Variants in DLG2 observed in about 807,000 individuals in gnomAD.
The protein encoded by DLG2 is disks large homolog 2.
A neutral mutation model predicts 132.5 loss-of-function variants in DLG2; 45 were observed. The ratio of observed to expected loss-of-function variants is 0.34; its 90% confidence interval spans 0.27 to 0.44. The LOEUF (loss-of-function observed/expected upper bound fraction) is 0.44. Among genes scored for constraint, DLG2 ranks in the 20% least tolerant of loss-of-function variants. The pLI is 1.00. For synonymous variants in DLG2, 424 were observed against 419.6 expected (o/e 1.01, Z -0.13); for missense variants, 1,045 against 1,196.9 (o/e 0.87, Z 1.87).
chr11:85,600,260 G>A (rs955909705), intron 2 of DLG2, among the ~76,000 whole-genome samples: 2 of 151,996 alleles, frequency 1.3e-5, no homozygotes, highest in African/African-American at 4.8e-5. Flanking sequence ...CAAGGAAATT[G>A]TTCCATTATC....
At chr11:83,584,133 T>C (rs491592) in intron 19 of DLG2, among the ~76,000 whole-genome samples, 69,269 of 152,056 alleles carry the variant, frequency 0.46, 16,214 homozygotes, top group Admixed American at 0.56. Context: ...ACCAGGTCTC[T>C]GTTTCCTATT....
chr11:84,891,355 T>C (rs908646951), intron 6 of DLG2, among the ~76,000 whole-genome samples: 2 of 152,174 alleles, frequency 1.3e-5, no homozygotes, highest in Non-Finnish European at 1.5e-5. Context: ...CTTCAATAAA[T>C]GTGTTAATTT....
chr11:85,305,870 A>T (rs1240286738), intron 3 of DLG2, among the ~76,000 whole-genome samples: 1 of 152,200 alleles, frequency 6.6e-6, no homozygotes, highest in Non-Finnish European at 1.5e-5. Flanking sequence ...AATGTCACAG[A>T]AAATGTGCAG....
chr11:83,562,678 C>A (rs2096632345), intron 19 of DLG2, among the ~76,000 whole-genome samples: 1 of 152,040 alleles, frequency 6.6e-6, no homozygotes. Context: ...TCAGTACAAT[C>A]TGTGTTTTCA....
intron 6 of DLG2, among the ~76,000 whole-genome samples, chr11:84,667,794 T>G (rs1274656649): frequency 2.0e-5 from 3 of 152,062 alleles, no homozygotes; most frequent in African/African-American, 7.2e-5. Context: ...CCACCACACC[T>G]GGCCAGATTA....
chr11:83,962,016 C>G (rs2514152), intron 14 of DLG2, among the ~76,000 whole-genome samples: 55,722 of 151,878 alleles, frequency 0.37, 12,410 homozygotes, highest in African/African-American at 0.63. Flanking sequence ...ATCAAAGCAT[C>G]CACATATACC....
chr11:85,082,717 T>C (rs2067391718), intron 6 of DLG2, among the ~76,000 whole-genome samples: 1 of 149,118 alleles, frequency 6.7e-6, no homozygotes, highest in Non-Finnish European at 1.5e-5. Context: ...ACCAAGCACA[T>C]GGTTTTTTCT....
At chr11:83,572,648 TCA>T (rs879760149) in intron 19 of DLG2, among the ~76,000 whole-genome samples, 1 of 152,168 alleles carries the variant, frequency 6.6e-6, no homozygotes, top group African/African-American at 2.4e-5. Context: ...AACTCTAGTC[TCA>T]CACTCAACCA....
intron 12 of DLG2, among the ~76,000 whole-genome samples, chr11:83,969,688 C>T (rs977590171): frequency 3.9e-5 from 6 of 152,134 alleles, no homozygotes; most frequent in African/African-American, 1.4e-4. Context: ...ATTCTCCTGC[C>T]TCAGCCTCCC....
At chr11:85,616,825 G>A (rs572429291) in intron 2 of DLG2, among the ~76,000 whole-genome samples, 7 of 152,262 alleles carry the variant, frequency 4.6e-5, no homozygotes, top group Admixed American at 6.5e-5. Context: ...GCATTGTAAC[G>A]CATCTAGGCA....
At chr11:84,067,791 A>G (rs927359464) in intron 10 of DLG2, among the ~76,000 whole-genome samples, 11 of 152,210 alleles carry the variant, frequency 7.2e-5, no homozygotes, top group African/African-American at 2.2e-4. Context: ...CTCATTAGGC[A>G]TTATTAGTTT....
intron 3 of DLG2, among the ~76,000 whole-genome samples, chr11:85,481,999 C>A (rs1051879334): frequency 6.6e-6 from 1 of 152,110 alleles, no homozygotes. Flanking sequence ...CAGCACAAGG[C>A]TAAGCCCAGA....
intron 6 of DLG2, among the ~76,000 whole-genome samples, chr11:85,056,520 C>T (rs2063477079): frequency 6.6e-6 from 1 of 151,784 alleles, no homozygotes; most frequent in African/African-American, 2.4e-5. Context: ...CATCATTATA[C>T]AAATAACGAA....
chr11:83,552,228 T>C (rs1408393851), intron 19 of DLG2, among the ~76,000 whole-genome samples: 2 of 152,176 alleles, frequency 1.3e-5, no homozygotes, highest in Non-Finnish European at 2.9e-5. Flanking sequence ...GATTCTGGAA[T>C]AGAGTAGGGC....
intron 5 of DLG2, among the ~76,000 whole-genome samples, chr11:85,116,497 T>G (rs373872812): frequency 1.3e-5 from 2 of 152,036 alleles, no homozygotes; most frequent in East Asian, 3.9e-4. Flanking sequence ...ACATATATAC[T>G]TACAAATATG....
chr11:83,575,141 G>T (rs901586153), intron 19 of DLG2, among the ~76,000 whole-genome samples: 9 of 152,148 alleles, frequency 5.9e-5, no homozygotes, highest in Non-Finnish European at 1.3e-4. Flanking sequence ...CAATTTCTAT[G>T]CAAGATGGAA....
intron 19 of DLG2, among the ~76,000 whole-genome samples, chr11:83,595,669 A>G (rs1234535779): frequency 2.0e-5 from 3 of 152,126 alleles, no homozygotes; most frequent in Non-Finnish European, 4.4e-5. Flanking sequence ...AATTACTCCT[A>G]TTTTTTTCAG....
chr11:85,280,547 C>A (rs1033976670), intron 4 of DLG2, among the ~76,000 whole-genome samples: 2 of 152,006 alleles, frequency 1.3e-5, no homozygotes, highest in African/African-American at 4.8e-5. Flanking sequence ...CTTTCTGTCA[C>A]CAAGTTAGAA....
At chr11:83,461,595 C>T (rs569150407) in intron 27 of DLG2, 1 of 158,488 alleles carries the variant, frequency 6.3e-6, no homozygotes, top group South Asian at 1.9e-4. Context: ...GGGACGGACG[C>T]CTCCAAGCTT....
Sources: allele counts gnomAD v4.1 joint callset (sites outside exome capture counted in the v4.1 genomes callset), GRCh38; gene constraint gnomAD v4.1.1; transcripts MANE v1.5; gene names NCBI Gene and HGNC (gene_info 2026-07-23, HGNC 2026-07-21).